The following GLI2 variants were observed in gnomAD, a reference collection of about 807,000 sequenced individuals.
GLI2 encodes the protein GLI family zinc finger 2.
Under a neutral mutation model 78.9 loss-of-function variants are expected in GLI2, and 22 were observed. The ratio of observed to expected loss-of-function variants is 0.28; its 90% CI spans 0.20 to 0.40. GLI2 has a LOEUF of 0.40. GLI2 is among the 10% of genes least tolerant of loss of function. GLI2 has a pLI of 1.00. For synonymous variants in GLI2, 974 were observed against 963.7 expected (o/e 1.01, Z -0.20); for missense variants, 2,097 against 2,213.2 (o/e 0.95, Z 1.05).
chr2:120,741,592 C>A (rs1682541396), intron 1 of GLI2, among the ~76,000 whole-genome samples: 2 of 152,044 alleles, frequency 1.3e-5, no homozygotes, highest in African/African-American at 4.8e-5. Flanking sequence ...CTTTTCCCAT[C>A]TTTCCCTCCC....
intron 3 of GLI2, among the ~76,000 whole-genome samples, chr2:120,935,996 C>T (rs981951236): frequency 5.9e-5 from 9 of 152,028 alleles, no homozygotes; most frequent in East Asian, 1.9e-4. Context: ...ATGTGCAGGC[C>T]GAGGTGGGCG....
chr2:120,884,569 C>T (rs1197290599), intron 2 of GLI2, among the ~76,000 whole-genome samples: 1 of 152,196 alleles, frequency 6.6e-6, no homozygotes, highest in Non-Finnish European at 1.5e-5. Flanking sequence ...TTCCCCCTCA[C>T]ACATTCTTTT....
rs200723250 is a variant in GLI2 at position 120,797,313 on chromosome 2, C to A, written c.-8C>A. On this transcript the variant is annotated 5_prime_UTR_variant, in exon 2 of 14. Coordinates refer to ENST00000361492, the MANE Select transcript of GLI2 (RefSeq NM_001374353.1). The stretch of plus-strand genomic sequence containing the variant: ...TAGGATTGCCACCCAGGACGATGAG[C>A]GGCTGAGATGGAGACGTCTGCCTCA... 2 of 1,613,678 alleles carry A rather than the reference C, an allele frequency of 1.2e-6. No homozygotes were observed. The highest frequency in any genetic ancestry group is 1.1e-5 in the South Asian group (1 of 91,044).
chr2:120,791,661 T>C (rs115972646), intron 1 of GLI2, among the ~76,000 whole-genome samples: 1,968 of 152,362 alleles, frequency 0.013, 45 homozygotes, highest in African/African-American at 0.045. Context: ...AATATATACA[T>C]GTGCATGTGT....
intron 1 of GLI2, among the ~76,000 whole-genome samples, chr2:120,763,943 G>A (rs1474598459): frequency 6.6e-6 from 1 of 152,252 alleles, no homozygotes; most frequent in Non-Finnish European, 1.5e-5. Context: ...CCAGGGCTTT[G>A]CGAAGCCAGT....
At chr2:120,775,443 G>T (rs574008347) in intron 1 of GLI2, among the ~76,000 whole-genome samples, 2 of 152,344 alleles carry the variant, frequency 1.3e-5, no homozygotes, top group East Asian at 3.9e-4. Context: ...GTGCCTGCTG[G>T]ATGGCTTCTG....
At chr2:120,883,870 C>G (rs1231842354) in intron 2 of GLI2, among the ~76,000 whole-genome samples, 2 of 152,160 alleles carry the variant, frequency 1.3e-5, no homozygotes, top group Non-Finnish European at 2.9e-5. Flanking sequence ...ATCCAGGCCT[C>G]TAGCCCCTAT....
chr2:120,975,859 C>T (rs1322732993), intron 9 of GLI2, among the ~76,000 whole-genome samples: 1 of 152,208 alleles, frequency 6.6e-6, no homozygotes, highest in East Asian at 1.9e-4. Context: ...CTGAGTGGTT[C>T]TGAGCAAGTG....
intron 3 of GLI2, among the ~76,000 whole-genome samples, chr2:120,942,807 TTCACTCATTCGTTCACGCCCTCAC>T (rs1680514803): frequency 6.6e-6 from 1 of 150,874 alleles, no homozygotes; most frequent in African/African-American, 2.5e-5. Context: ...CATTCATTCA[TTCACTCATTCGTTCACGCCCTCAC>T]TCATTCATTC....
chr2:120,849,888 C>G (rs1001086189), intron 2 of GLI2, among the ~76,000 whole-genome samples: 4 of 152,156 alleles, frequency 2.6e-5, no homozygotes, highest in African/African-American at 9.7e-5. Flanking sequence ...AAAACAAGAA[C>G]AGGATGCTAT....
intron 10 of GLI2, among the ~76,000 whole-genome samples, chr2:120,979,305 T>C (rs916033328): frequency 3.3e-5 from 5 of 152,162 alleles, no homozygotes; most frequent in African/African-American, 1.2e-4. Context: ...TGATAAGACC[T>C]TTTCTATGGT....
chr2:120,906,510 A>G (rs553627201), intron 2 of GLI2, among the ~76,000 whole-genome samples: 1 of 152,212 alleles, frequency 6.6e-6, no homozygotes, highest in South Asian at 2.1e-4. Flanking sequence ...CCCTGTCCCC[A>G]GGCTCTAGCT....
At chr2:120,864,877 T>C (rs937052544) in intron 2 of GLI2, among the ~76,000 whole-genome samples, 2 of 152,184 alleles carry the variant, frequency 1.3e-5, no homozygotes, top group African/African-American at 4.8e-5. Flanking sequence ...TCACTGCCTA[T>C]GGAAGGCCTG....
At chr2:120,810,371 C>T (rs545797708) in intron 2 of GLI2, among the ~76,000 whole-genome samples, 8 of 152,330 alleles carry the variant, frequency 5.3e-5, no homozygotes, top group South Asian at 2.1e-4. Context: ...GAAGTGGCAG[C>T]GTTCACCAGC....
intron 3 of GLI2, among the ~76,000 whole-genome samples, chr2:120,932,085 G>A (rs943034616): frequency 1.3e-5 from 2 of 152,202 alleles, no homozygotes; most frequent in Non-Finnish European, 2.9e-5. Context: ...AGCTTGTGAG[G>A]AAAATGGCCC....
intron 2 of GLI2, among the ~76,000 whole-genome samples, chr2:120,846,569 C>A (rs927505564): frequency 6.6e-6 from 1 of 152,170 alleles, no homozygotes; most frequent in African/African-American, 2.4e-5. Flanking sequence ...TTCCAACAGC[C>A]CCTGGTCGTG....
In GLI2 at chr2:120,820,454, A is replaced by AGGCTGATGCT. The variant is rs370495345; in HGVS notation, c.148+22990_148+22999dup. On this transcript the variant is annotated intron_variant, in intron 2 of 13. Transcript: ENST00000361492. ...CCCCCTCTCCAGGCAGTAACGTCAG[A>AGGCTGATGCT]GGCTGATGCTGGCGGCAAAGAAGCT... Among the ~76,000 whole-genome samples, 648 of 152,316 alleles carry AGGCTGATGCT rather than the reference A, an allele frequency of 4.3e-3. 8 individuals carry two copies. Among genetic ancestry groups the AGGCTGATGCT allele is most frequent in the African/African-American group, 0.015 (615 of 41,572 alleles).
chr2:120,812,376 G>A (rs1685290279), intron 2 of GLI2, among the ~76,000 whole-genome samples: 1 of 152,208 alleles, frequency 6.6e-6, no homozygotes, highest in South Asian at 2.1e-4. Flanking sequence ...CCCCACTTGT[G>A]GGAGCTGTGG....
intron 2 of GLI2, among the ~76,000 whole-genome samples, chr2:120,863,343 C>G (rs557587077): frequency 6.6e-6 from 1 of 152,360 alleles, no homozygotes; most frequent in Admixed American, 6.5e-5. Context: ...CTGACCCAGT[C>G]AGTGCTTGCC....
Sources: gnomAD v4.1 joint callset for allele counts (sites outside exome capture counted in the v4.1 genomes callset) on GRCh38, gnomAD v4.1.1 for gene constraint, MANE v1.5 for transcripts, NCBI Gene and HGNC (gene_info 2026-07-23, HGNC 2026-07-21) for gene names.